APP: variants seen among roughly 807,000 people sequenced by gnomAD.
The protein encoded by APP is amyloid beta precursor protein.
A neutral mutation model predicts 101.4 loss-of-function variants in APP; 31 were observed. The observed-to-expected ratio is 0.31, with a 90% CI of 0.23 to 0.41. The LOEUF (loss-of-function observed/expected upper bound fraction) is 0.41. APP is among the 10% of genes least tolerant of loss of function. APP has a pLI of 1.00. For missense variants in APP, 839 were observed against 1,003.7 expected (o/e 0.84, Z 2.22); for synonymous variants, 366 against 364.4 (o/e 1.00, Z -0.05).
chr21:25,920,293 T>C (rs2146349990), intron 13 of APP, among the ~76,000 whole-genome samples: 1 of 152,076 alleles, frequency 6.6e-6, no homozygotes, highest in African/African-American at 2.4e-5. Context: ...GTAAAGACCA[T>C]CAAGACTAGG....
chr21:25,888,137 T>C (rs963447377), intron 17 of APP, among the ~76,000 whole-genome samples: 14 of 152,180 alleles, frequency 9.2e-5, no homozygotes, highest in African/African-American at 2.4e-4. Context: ...ACTGGAAATA[T>C]TGATGTACTC....
In APP at chr21:25,916,563, G is replaced by A. The variant is rs545871004; in HGVS notation, c.1688-4601C>T. On this transcript the variant is annotated intron_variant, in intron 13 of 17. Transcript: ENST00000346798. ...CTTCCATGGTGAGACTAATCACACC[G>A]AAACCACACTTCCACTACATTAGTG... Among the ~76,000 whole-genome samples, 19 of 152,208 alleles carry A rather than the reference G, an allele frequency of 1.2e-4. No homozygotes were observed. The South Asian group carries it at 3.9e-3, about 32-fold the overall frequency.
At chr21:25,979,877 A>G in intron 9 of APP, among the ~76,000 whole-genome samples, 1 of 16 alleles carries the variant, frequency 0.062, no homozygotes, top group East Asian at 0.5. Flanking sequence ...TTGAGGTCTC[A>G]AGGTTTCTAT....
At chr21:26,091,806 C>T (rs1413191167) in intron 2 of APP, among the ~76,000 whole-genome samples, 9 of 152,014 alleles carry the variant, frequency 5.9e-5, no homozygotes, top group Non-Finnish European at 1.3e-4. Flanking sequence ...GAGGACATTC[C>T]CACCTCTAGG....
intron 17 of APP, among the ~76,000 whole-genome samples, chr21:25,885,373 G>A (rs1446410752): frequency 6.6e-6 from 1 of 152,248 alleles, no homozygotes; most frequent in Non-Finnish European, 1.5e-5. Context: ...CCTCTGCACA[G>A]ACACAATATT....
chr21:26,103,086 CCTAAACA>C (rs1285506743), intron 2 of APP, among the ~76,000 whole-genome samples: 1 of 151,990 alleles, frequency 6.6e-6, no homozygotes, highest in Non-Finnish European at 1.5e-5. Flanking sequence ...CACAAACTAC[CCTAAACA>C]CTAAACAAAA....
chr21:25,891,600 T>C, intron 17 of APP, 122 bp downstream of exon 17: 1 of 961,146 alleles, frequency 1.0e-6, no homozygotes, highest in Non-Finnish European at 1.7e-6. Context: ...AACCCAAGCA[T>C]CATGGAAGCA....
chr21:25,911,638 A>G, intron 14 of APP, 103 bp downstream of exon 14: 1 of 1,053,474 alleles, frequency 9.5e-7, no homozygotes, highest in African/African-American at 1.6e-5. Context: ...AAAAAAATTC[A>G]CCACTCAAGA....
chr21:26,140,636 A>G (rs956768579), intron 1 of APP, among the ~76,000 whole-genome samples: 4 of 152,256 alleles, frequency 2.6e-5, no homozygotes, highest in Non-Finnish European at 5.9e-5. Flanking sequence ...AAGCCAATTC[A>G]TATTTAACAA....
chr21:25,907,821 G>A (rs1392808306), intron 14 of APP, among the ~76,000 whole-genome samples: 1 of 152,192 alleles, frequency 6.6e-6, no homozygotes, highest in Non-Finnish European at 1.5e-5. Context: ...ACAAGAACTG[G>A]TTTGTAAGTT....
chr21:26,149,316 A>C (rs61694455), intron 1 of APP, among the ~76,000 whole-genome samples: 2,700 of 152,342 alleles, frequency 0.018, 85 homozygotes, highest in African/African-American at 0.06. Context: ...CCAGCTGGGG[A>C]TAACAGTAGG....
intron 11 of APP, among the ~76,000 whole-genome samples, chr21:25,963,082 G>A (rs1207860586): frequency 2.6e-5 from 4 of 152,148 alleles, no homozygotes; most frequent in Non-Finnish European, 4.4e-5. Flanking sequence ...CCAAAGTGCT[G>A]GGATTACAGG....
At chr21:25,987,319 T>C (rs1177939047) in intron 8 of APP, among the ~76,000 whole-genome samples, 2 of 152,168 alleles carry the variant, frequency 1.3e-5, no homozygotes, top group East Asian at 1.9e-4. Context: ...GCTAGGTATG[T>C]TCCCCCCTCC....
At chr21:26,143,652 G>C (rs1465777206) in intron 1 of APP, among the ~76,000 whole-genome samples, 1 of 152,120 alleles carries the variant, frequency 6.6e-6, no homozygotes, top group Non-Finnish European at 1.5e-5. Flanking sequence ...CTGTACATTA[G>C]GTATTAATCT....
chr21:25,999,041 A>G (rs1178952337), intron 7 of APP, among the ~76,000 whole-genome samples: 6 of 152,372 alleles, frequency 3.9e-5, no homozygotes, highest in African/African-American at 1.2e-4. Context: ...CTGTAATCCC[A>G]GCACTTTGGA....
intron 1 of APP, among the ~76,000 whole-genome samples, chr21:26,159,580 A>C (rs1165769272): frequency 6.6e-6 from 1 of 152,216 alleles, no homozygotes; most frequent in Non-Finnish European, 1.5e-5. Context: ...CTTTGTGTTC[A>C]ACCTCTGATA....
intron 5 of APP, among the ~76,000 whole-genome samples, chr21:26,029,833 T>C (rs1195993683): frequency 6.6e-6 from 1 of 152,156 alleles, no homozygotes; most frequent in Non-Finnish European, 1.5e-5. Flanking sequence ...GTGACAGAGA[T>C]TGTATGCGAC....
At chr21:26,047,364 T>C (rs549808301) in intron 5 of APP, among the ~76,000 whole-genome samples, 2 of 152,246 alleles carry the variant, frequency 1.3e-5, no homozygotes, top group Admixed American at 6.5e-5. Flanking sequence ...GAAGATGTTT[T>C]AAGTCAGGTA....
intron 2 of APP, among the ~76,000 whole-genome samples, chr21:26,091,878 T>C (rs1295151707): frequency 6.6e-6 from 1 of 152,202 alleles, no homozygotes; most frequent in Non-Finnish European, 1.5e-5. Flanking sequence ...GGAGAAGTAG[T>C]GCCTTCCTTG....
Sources: allele counts gnomAD v4.1 joint callset (sites outside exome capture counted in the v4.1 genomes callset), GRCh38; gene constraint gnomAD v4.1.1; transcripts MANE v1.5; gene names NCBI Gene and HGNC (gene_info 2026-07-23, HGNC 2026-07-21).